MRTFA: variants seen among roughly 807,000 people sequenced by gnomAD.
MRTFA encodes myocardin related transcription factor A.
In MRTFA, 20 loss-of-function variants were observed where a neutral mutation model predicts 83.5. The ratio of observed to expected loss-of-function variants is 0.24; its 90% CI spans 0.17 to 0.35. The LOEUF (loss-of-function observed/expected upper bound fraction) is 0.35. MRTFA is among the 10% of genes least tolerant of loss of function. The probability of loss-of-function intolerance (pLI) is 1.00; values close to 1 mark genes in which losing one functional copy is unlikely to be tolerated. For missense variants in MRTFA, 1,200 were observed against 1,224.7 expected (o/e 0.98, Z 0.30); for synonymous variants, 659 against 541.2 (o/e 1.22, Z -3.02).
At chr22:40,620,423 C>CTTTTTTTTTTTTT (rs747409456) in intron 1 of MRTFA, among the ~76,000 whole-genome samples, 12 of 94,202 alleles carry the variant, frequency 1.3e-4, no homozygotes, top group African/African-American at 2.2e-4. Context: ...AACATGCAGT[C>CTTTTTTTTTTTTT]TTTTTTTTTT....
rs17001883 is a variant in MRTFA at position 40,410,891 on chromosome 22, A to T, written c.*499T>A. 4,393 of 233,062 alleles carry T rather than the reference A, an allele frequency of 0.019. 539 individuals carry two copies. In the East Asian group the frequency reaches 0.24, roughly 13 times the overall value. The allele number at this position is 233,062 out of a possible 1,614,324, so 14.4% of individuals were successfully genotyped here. ...GGTTACACTACACCAAGACACTAAA[A>T]TGGCAGGGAGCCCTGGGATCCTGGG... On this transcript the variant is annotated 3_prime_UTR_variant, in exon 15 of 15. Transcript: ENST00000355630.
At chr22:40,624,110 A>C (rs2147439907) in intron 1 of MRTFA, among the ~76,000 whole-genome samples, 1 of 152,216 alleles carries the variant, frequency 6.6e-6, no homozygotes, top group Non-Finnish European at 1.5e-5. Flanking sequence ...TGTCAAAATA[A>C]AATTATTTCA....
At chr22:40,608,147 C>A (rs544163498) in intron 1 of MRTFA, among the ~76,000 whole-genome samples, 1 of 152,286 alleles carries the variant, frequency 6.6e-6, no homozygotes, top group East Asian at 1.9e-4. Context: ...GCCTCAGACT[C>A]CCGAGTAGTT....
At chr22:40,551,865 A>C (rs1249791360) in intron 3 of MRTFA, among the ~76,000 whole-genome samples, 1 of 152,206 alleles carries the variant, frequency 6.6e-6, no homozygotes, top group East Asian at 1.9e-4. Context: ...ATGCTGAATT[A>C]ATGAATTTAT....
At chr22:40,571,523 T>C (rs1354620064) in intron 2 of MRTFA, among the ~76,000 whole-genome samples, 1 of 152,020 alleles carries the variant, frequency 6.6e-6, no homozygotes, top group Admixed American at 6.6e-5. Context: ...TATTTACAAA[T>C]CATACAACTG....
chr22:40,420,212 C>A (rs2052799585), intron 11 of MRTFA, among the ~76,000 whole-genome samples, 193 bp downstream of exon 11: 1 of 152,236 alleles, frequency 6.6e-6, no homozygotes, highest in Non-Finnish European at 1.5e-5. Flanking sequence ...TTCACCATGA[C>A]CACCTCCAGG....
chr22:40,452,712 G>A (rs1318151030), intron 4 of MRTFA, among the ~76,000 whole-genome samples: 1 of 149,912 alleles, frequency 6.7e-6, no homozygotes, highest in East Asian at 2.0e-4. Flanking sequence ...CTAGGAGGCC[G>A]AGGCAATTGC....
At chr22:40,515,925 TAAA>T (rs2054750455) in intron 3 of MRTFA, among the ~76,000 whole-genome samples, 2 of 152,106 alleles carry the variant, frequency 1.3e-5, no homozygotes, top group African/African-American at 2.4e-5. Flanking sequence ...CACACACACA[TAAA>T]TATACTATTT....
At chr22:40,491,469 T>G in intron 3 of MRTFA, among the ~76,000 whole-genome samples, 1 of 152,246 alleles carries the variant, frequency 6.6e-6, no homozygotes, top group East Asian at 1.9e-4. Flanking sequence ...GTAAAAAGCC[T>G]TCCAAGTGTT....
intron 5 of MRTFA, among the ~76,000 whole-genome samples, chr22:40,434,094 A>G (rs756880293): frequency 1.3e-5 from 2 of 152,220 alleles, no homozygotes; most frequent in Non-Finnish European, 2.9e-5. Flanking sequence ...AGAAACAGAT[A>G]CAACCTCTTA....
chr22:40,458,659 A>T (rs983932872), intron 4 of MRTFA, among the ~76,000 whole-genome samples: 6 of 152,212 alleles, frequency 3.9e-5, no homozygotes, highest in African/African-American at 1.4e-4. Flanking sequence ...ATTTGATAAA[A>T]GATATCAACC....
chr22:40,571,026 C>CAAAAAAAAAAAA (rs71199292), intron 2 of MRTFA, among the ~76,000 whole-genome samples: 1 of 46,732 alleles, frequency 2.1e-5, no homozygotes, highest in Non-Finnish European at 3.8e-5. Flanking sequence ...CCTGTCTCTA[C>CAAAAAAAAAAAA]AAAAAAAAAA....
intron 2 of MRTFA, among the ~76,000 whole-genome samples, chr22:40,562,114 G>A (rs2055627171): frequency 6.6e-6 from 1 of 152,054 alleles, no homozygotes; most frequent in Non-Finnish European, 1.5e-5. Context: ...CTACTCAGGA[G>A]GCTGAGGCCG....
chr22:40,463,239 T>C lies in MRTFA; in HGVS notation c.289A>G (p.Ser97Gly), dbSNP rs1335010071. The change falls in exon 4 of 15, where the codon AGC (serine) becomes GGC (glycine). Residue 97 changes from serine to glycine, a missense_variant. By Grantham distance (56) the Ser-to-Gly change is moderately conservative (BLOSUM62 0). Coordinates refer to ENST00000355630, the MANE Select transcript of MRTFA (RefSeq NM_020831.6). ...CACTTACGCGGCATGATCCCTTGGC[T>C]CACCAGTTCTTCCCGGGTCCGGCGC... 6.2e-7 allele frequency: 1 copy of C among 1,614,020 alleles called. No homozygotes were observed. The highest frequency in any genetic ancestry group is 1.1e-5 in the South Asian group (1 of 91,076).
rs543409705 is a variant in MRTFA, at chr22:40,419,226, G to C, written c.1512C>G (p.Gly504=). The change falls in exon 12 of 15, where the codon GGC becomes GGG. Residue 504 remains glycine (G), a synonymous_variant. Transcript: ENST00000355630. ...CCGCTGGGAAGGCTACCACCACCTCGCCAGCCTTGTGCAGGATAGAGGTGG... is the reference window on the plus strand; with the variant it reads ...CCGCTGGGAAGGCTACCACCACCTCCCCAGCCTTGTGCAGGATAGAGGTGG... 16 of 1,606,166 alleles carry C rather than the reference G, an allele frequency of 1.0e-5. 1 individual carries two copies. The South Asian group carries it at 1.8e-4, about 18-fold the overall frequency.
intron 3 of MRTFA, among the ~76,000 whole-genome samples, chr22:40,542,248 A>G (rs1602408526): frequency 6.6e-6 from 1 of 151,702 alleles, no homozygotes; most frequent in Admixed American, 6.6e-5. Flanking sequence ...TACTTCTTTC[A>G]TTTGTCAAAC....
intron 3 of MRTFA, among the ~76,000 whole-genome samples, chr22:40,491,685 T>C (rs1355652656): frequency 6.6e-6 from 1 of 152,182 alleles, no homozygotes; most frequent in African/African-American, 2.4e-5. Context: ...GAAAAGTTTT[T>C]TCTTCCCTTA....
At chr22:40,489,214 T>C (rs2054227288) in intron 3 of MRTFA, among the ~76,000 whole-genome samples, 1 of 152,206 alleles carries the variant, frequency 6.6e-6, no homozygotes, top group Admixed American at 6.5e-5. Context: ...GAACACCTGC[T>C]TCAGCCCAAA....
At chr22:40,536,516 C>T (rs2055179268) in intron 3 of MRTFA, among the ~76,000 whole-genome samples, 1 of 132,038 alleles carries the variant, frequency 7.6e-6, no homozygotes, top group Non-Finnish European at 1.6e-5. Flanking sequence ...AGCCTCTGCC[C>T]GGCCGCCACC....
Sources: allele counts gnomAD v4.1 joint callset (sites outside exome capture counted in the v4.1 genomes callset), GRCh38; gene constraint gnomAD v4.1.1; transcripts MANE v1.5; gene names NCBI Gene and HGNC (gene_info 2026-07-23, HGNC 2026-07-21).